MTUS2: variants seen among roughly 807,000 people sequenced by gnomAD.
The protein encoded by MTUS2 is microtubule-associated tumor suppressor candidate 2.
In MTUS2, 40 loss-of-function variants were observed where a neutral mutation model predicts 114.1. The observed-to-expected ratio is 0.35, with a 90% CI of 0.27 to 0.46. The LOEUF (loss-of-function observed/expected upper bound fraction) is 0.46. MTUS2 is among the 20% of genes least tolerant of loss of function. The pLI is 1.00. For synonymous variants in MTUS2, 688 were observed against 672.0 expected (o/e 1.02, Z -0.37); for missense variants, 1,679 against 1,705.4 (o/e 0.98, Z 0.27).
At chr13:29,452,572 ATATGTGTGTGTG>A (rs1160792596) in intron 9 of MTUS2, among the ~76,000 whole-genome samples, 2 of 48,742 alleles carry the variant, frequency 4.1e-5, no homozygotes, top group Admixed American at 2.8e-4. Flanking sequence ...ATATATATAT[ATATGTGTGTGTG>A]TGTGTGTGTG....
At chr13:29,495,109 C>T (rs745320334) in intron 12 of MTUS2, among the ~76,000 whole-genome samples, 6 of 144,624 alleles carry the variant, frequency 4.1e-5, no homozygotes, top group Non-Finnish European at 7.5e-5. Context: ...GCTTGAACCC[C>T]GGAGGCAGAG....
intron 4 of MTUS2, among the ~76,000 whole-genome samples, chr13:29,087,611 C>T (rs1241261080): frequency 3.3e-5 from 5 of 152,008 alleles, no homozygotes; most frequent in African/African-American, 9.7e-5. Flanking sequence ...TTTTAGAATA[C>T]GTTTTTCTAA....
In MTUS2 at chr13:29,121,921, A is replaced by G. The variant is rs77217679; in HGVS notation, c.2644+20951A>G. Among the ~76,000 whole-genome samples, 1,267 of 152,042 alleles carry G rather than the reference A, an allele frequency of 8.3e-3. 19 individuals carry two copies. Among genetic ancestry groups the G allele is most frequent in the African/African-American group, 0.029 (1,202 of 41,478 alleles). ...GTGATCCGCCCTCCTCGGCCTCCCA[A>G]CGTGCTGGGAGTACAGGTGTGAGCC... On this transcript the variant is annotated intron_variant, in intron 5 of 15. Transcript: ENST00000612955.
chr13:29,222,384 A>G (rs927638829), intron 5 of MTUS2, among the ~76,000 whole-genome samples: 1 of 152,024 alleles, frequency 6.6e-6, no homozygotes, highest in Non-Finnish European at 1.5e-5. Flanking sequence ...TCTGTTCTTG[A>G]ACCTTTGTTT....
intron 7 of MTUS2, among the ~76,000 whole-genome samples, chr13:29,338,480 A>C (rs9506147): frequency 0.28 from 41,907 of 151,978 alleles, 6,528 homozygotes; most frequent in African/African-American, 0.43. Flanking sequence ...ATCCCAGTTA[A>C]TTGGGAGGCT....
intron 1 of MTUS2, among the ~76,000 whole-genome samples, chr13:28,836,373 A>C (rs964235933): frequency 6.6e-6 from 1 of 152,202 alleles, no homozygotes; most frequent in African/African-American, 2.4e-5. Flanking sequence ...TCAGAGACAC[A>C]GCATGGTATA....
chr13:29,200,961 G>A (rs1400372329), intron 5 of MTUS2, among the ~76,000 whole-genome samples: 3 of 152,128 alleles, frequency 2.0e-5, no homozygotes, highest in African/African-American at 4.8e-5. Context: ...AATGTGATGT[G>A]GTGCAGAGAA....
intron 2 of MTUS2, among the ~76,000 whole-genome samples, chr13:28,864,857 A>G (rs148677652): frequency 1.3e-5 from 2 of 152,270 alleles, no homozygotes; most frequent in East Asian, 3.9e-4. Context: ...GCTTATTTTC[A>G]TGAGTATTGT....
At chr13:29,320,149 C>T (rs1900193687) in intron 6 of MTUS2, among the ~76,000 whole-genome samples, 1 of 152,120 alleles carries the variant, frequency 6.6e-6, no homozygotes, top group Non-Finnish European at 1.5e-5. Context: ...TCATAAGCAT[C>T]CTTGTAAGAG....
chr13:29,025,225 C>G lies in MTUS2; in HGVS notation c.527C>G (p.Ser176Cys). ...TLDNEELRRH[S>C]LERASSSVAA... Reference sequence around the variant, plus strand: ...GACAATGAGGAACTGAGGAGGCATTCTTTGGAAAGAGCAAGCAGCTCTGTA... The same window carrying G: ...GACAATGAGGAACTGAGGAGGCATTGTTTGGAAAGAGCAAGCAGCTCTGTA... The change falls in exon 3 of 16, where the codon TCT becomes TGT. Residue 176 changes from serine to cysteine, a missense_variant. By Grantham distance (112) the Ser-to-Cys change is moderately radical. This residue lies in a region of MTUS2 where 843 missense variants were observed against 770.8 expected (regional missense o/e 1.09). Transcript: ENST00000612955. 6.2e-7 allele frequency: 1 copy of G among 1,613,986 alleles called. No individual in the cohort carries two copies. The highest frequency in any genetic ancestry group is 1.3e-5 in the African/African-American group (1 of 75,048).
intron 2 of MTUS2, among the ~76,000 whole-genome samples, chr13:28,959,632 A>G (rs1256435216): frequency 2.0e-5 from 3 of 152,104 alleles, no homozygotes; most frequent in African/African-American, 7.2e-5. Context: ...ATGGTGAGAG[A>G]GGGAGCAGGA....
chr13:28,980,062 G>A lies in MTUS2; in HGVS notation c.-242-44395G>A, dbSNP rs535504416. ...TATGCTTAGGCCAACTACATGATGC[G>A]TTTTGAAAAGGAATAATTAGATGAT... On this transcript the variant is annotated intron_variant, in intron 2 of 15. Transcript: ENST00000612955. 1.6e-3 allele frequency among the ~76,000 whole-genome samples: 243 copies of A among 152,220 alleles called. 1 individual carries two copies. Among genetic ancestry groups the A allele is most frequent in the African/African-American group, 5.7e-3 (237 of 41,542 alleles).
At chr13:29,041,541 T>C (rs1887359409) in intron 4 of MTUS2, among the ~76,000 whole-genome samples, 1 of 152,164 alleles carries the variant, frequency 6.6e-6, no homozygotes, top group Non-Finnish European at 1.5e-5. Context: ...GGCAGTGTGG[T>C]CATTTTTACA....
intron 5 of MTUS2, among the ~76,000 whole-genome samples, chr13:29,241,482 C>G (rs575141868): frequency 6.6e-6 from 1 of 152,084 alleles, no homozygotes; most frequent in Non-Finnish European, 1.5e-5. Flanking sequence ...ACTATACTGA[C>G]TCTCTCATCC....
At chr13:29,059,715 G>A (rs1565985286) in intron 4 of MTUS2, among the ~76,000 whole-genome samples, 1 of 152,238 alleles carries the variant, frequency 6.6e-6, no homozygotes, top group Non-Finnish European at 1.5e-5. Flanking sequence ...TATGAGAGTT[G>A]GGGTCGGGTG....
At chr13:29,232,976 C>T (rs1896392202) in intron 5 of MTUS2, among the ~76,000 whole-genome samples, 1 of 152,116 alleles carries the variant, frequency 6.6e-6, no homozygotes, top group African/African-American at 2.4e-5. Context: ...TTCAGAGTCT[C>T]CTGTCCAAAA....
intron 2 of MTUS2, among the ~76,000 whole-genome samples, chr13:28,944,457 A>G (rs1882412496): frequency 6.6e-6 from 1 of 152,204 alleles, no homozygotes. Context: ...AGGTATAGAT[A>G]TTACAGAGTG....
At chr13:29,206,222 G>T (rs1384116706) in intron 5 of MTUS2, among the ~76,000 whole-genome samples, 1 of 152,122 alleles carries the variant, frequency 6.6e-6, no homozygotes, top group African/African-American at 2.4e-5. Flanking sequence ...ATTGAGAATT[G>T]TCTATTCATG....
At chr13:29,362,543 C>T (rs1935179555) in intron 8 of MTUS2, among the ~76,000 whole-genome samples, 3 of 151,634 alleles carry the variant, frequency 2.0e-5, no homozygotes, top group South Asian at 2.1e-4. Flanking sequence ...AAAAATTAGC[C>T]GAGTGTGGTG....
Sources: gnomAD v4.1 joint callset for allele counts (sites outside exome capture counted in the v4.1 genomes callset) on GRCh38, gnomAD v4.1.1 for gene constraint, gnomAD v4.1.1 regional missense constraint, MANE v1.5 for transcripts, NCBI Gene and HGNC (gene_info 2026-07-23, HGNC 2026-07-21) for gene names.